The following RNF111 variants were observed in gnomAD, a reference collection of about 807,000 sequenced individuals.
RNF111 encodes the protein ring finger protein 111.
Under a neutral mutation model 95.1 loss-of-function variants are expected in RNF111, and 17 were observed. That is an observed-to-expected ratio of 0.18 (90% CI 0.12 to 0.27). RNF111 has a LOEUF of 0.27. Ranked by LOEUF, RNF111 falls within the 10% of genes least tolerant of loss-of-function variation. RNF111 has a pLI of 1.00. For synonymous variants in RNF111, 440 were observed against 414.8 expected (o/e 1.06, Z -0.74); for missense variants, 1,189 against 1,210.4 (o/e 0.98, Z 0.26).
At chr15:58,989,883 T>G (rs191830530) in intron 1 of RNF111, among the ~76,000 whole-genome samples, 153 of 152,282 alleles carry the variant, frequency 1.0e-3, no homozygotes, top group Non-Finnish European at 1.5e-3. Flanking sequence ...TCTTTTTTTT[T>G]TTGTTATAGT....
intron 1 of RNF111, among the ~76,000 whole-genome samples, chr15:59,019,410 A>T (rs1342316595): frequency 2.6e-5 from 4 of 152,034 alleles, no homozygotes; most frequent in East Asian, 1.9e-4. Flanking sequence ...TTATAGTTTT[A>T]AAAAAAATTG....
intron 1 of RNF111, among the ~76,000 whole-genome samples, chr15:59,002,778 C>A (rs1351567071): frequency 6.6e-6 from 1 of 152,198 alleles, no homozygotes; most frequent in African/African-American, 2.4e-5. Flanking sequence ...ATTTCCCTTT[C>A]CTTCCACTTC....
At chr15:59,005,550 A>T (rs1453239048) in intron 1 of RNF111, among the ~76,000 whole-genome samples, 1 of 152,140 alleles carries the variant, frequency 6.6e-6, no homozygotes, top group African/African-American at 2.4e-5. Context: ...TTGTTACTCC[A>T]ACCTTTGCTT....
At chr15:59,041,694 A>G (rs1282324362) in intron 2 of RNF111, among the ~76,000 whole-genome samples, 1 of 152,226 alleles carries the variant, frequency 6.6e-6, no homozygotes, top group African/African-American at 2.4e-5. Flanking sequence ...GTTATTTTGT[A>G]AAATATGGCC....
intron 1 of RNF111, among the ~76,000 whole-genome samples, chr15:59,028,930 G>A (rs554503879): frequency 1.3e-4 from 20 of 151,882 alleles, no homozygotes; most frequent in African/African-American, 2.9e-4. Context: ...CAGTCAGTGC[G>A]CCACTATCCT....
chr15:59,028,519 C>G lies in RNF111; in HGVS notation c.-19-2285C>G, dbSNP rs143223865. ...AAACTTATGTGAATGTGGTCTCTCTCTCATAGTGTGAGTAACTGAAGCTGT... is the reference window on the plus strand; with the variant it reads ...AAACTTATGTGAATGTGGTCTCTCTGTCATAGTGTGAGTAACTGAAGCTGT... On this transcript the variant is annotated intron_variant, in intron 1 of 13. Transcript: ENST00000348370. Among the ~76,000 whole-genome samples the G allele has an allele frequency of 4.6e-3, 701 of 152,242 alleles. 6 individuals are homozygous for G. Among genetic ancestry groups the G allele is most frequent in the Middle Eastern group, 0.041 (12 of 294 alleles).
chr15:59,030,859 A>C lies in RNF111; in HGVS notation c.37A>C (p.Thr13Pro). Reference protein sequence around the residue: ...QWTPEYNELYTLKVDMKSEIP... With the variant: ...QWTPEYNELYPLKVDMKSEIP... ...GACTCCTGAATATAACGAGCTCTAC[A>C]CCTTAAAAGTGGATATGAAGAGTGA... Residue 13 changes from threonine (T) to proline (P), a missense_variant, in exon 2 of 14, where the codon ACC (threonine) becomes CCC (proline). Physicochemically the swap from Thr to Pro is conservative, Grantham distance 38. Around this residue, in one of 2 missense-constraint regions of RNF111, gnomAD observed 1,024 missense variants for 925.9 expected, o/e 1.11. Transcript: ENST00000348370. 6.2e-7 allele frequency: 1 copy of C among 1,612,884 alleles called. No individual in the cohort carries two copies. Among genetic ancestry groups the C allele is most frequent in the South Asian group, 1.1e-5 (1 of 90,878 alleles).
rs148348838 is a variant in RNF111, at chr15:59,064,908, A to G, written c.1367-1856A>G. ...GGAAATTTGCTGAATCTTACCAAGC[A>G]GAGCCTGAAGCACCCCCCTACCCAG... On this transcript the variant is annotated intron_variant, in intron 5 of 13. Transcript: ENST00000348370. Among the ~76,000 whole-genome samples the G allele has an allele frequency of 4.4e-3, 670 of 152,222 alleles. 6 individuals are homozygous for G. The highest frequency in any genetic ancestry group is 0.041 in the Middle Eastern group (12 of 292).
At chr15:59,014,658 A>C (rs904259199) in intron 1 of RNF111, among the ~76,000 whole-genome samples, 23 of 152,212 alleles carry the variant, frequency 1.5e-4, no homozygotes, top group Non-Finnish European at 2.9e-4. Flanking sequence ...GTCTAAGAAA[A>C]AATGATCTCT....
Position 58,987,751 on chromosome 15 carries a change from T to C in RNF111, c.-337T>C, listed in dbSNP as rs2038629832. 1 of 177,866 alleles carries C rather than the reference T, an allele frequency of 5.6e-6. No individual in the cohort carries two copies. The highest frequency in any genetic ancestry group is 2.4e-5 in the African/African-American group (1 of 41,618). 11.0% of individuals were successfully genotyped at this position (177,866 alleles called of 1,614,324 possible). A position where few individuals can be genotyped will look rare whatever the true frequency, so the allele number is the denominator to read the frequency against. ...GGCGGCTGTAGGGGAGCAGCGGCAG[T>C]GGCGGCGACGGCGAGGAGGTGTTCG... On this transcript the variant is annotated 5_prime_UTR_variant, in exon 1 of 14. Coordinates refer to ENST00000348370, the MANE Select transcript of RNF111 (RefSeq NM_017610.8).
intron 2 of RNF111, among the ~76,000 whole-genome samples, chr15:59,043,613 T>C (rs2041571735): frequency 6.6e-6 from 1 of 152,196 alleles, no homozygotes; most frequent in South Asian, 2.1e-4. Flanking sequence ...TGGTTTCCGG[T>C]ATTTGCTATT....
chr15:59,018,962 C>T (rs368702448), intron 1 of RNF111, among the ~76,000 whole-genome samples: 8 of 151,930 alleles, frequency 5.3e-5, no homozygotes, highest in Admixed American at 6.6e-5. Context: ...CATGCTCTGT[C>T]GCCCAGGTTG....
chr15:59,069,003 G>A lies in RNF111; in HGVS notation c.1686+1920G>A, dbSNP rs569670400. On this transcript the variant is annotated intron_variant, in intron 6 of 13. Coordinates refer to ENST00000348370, the MANE Select transcript of RNF111 (RefSeq NM_017610.8). ...GCAGGAGAATCGATTGAACGTGGGA[G>A]GCGGAGATTGCAGTGAGCTGAGATC... Among the ~76,000 whole-genome samples the A allele has an allele frequency of 7.7e-4, 117 of 151,296 alleles. 1 individual carries two copies. The highest frequency in any genetic ancestry group is 2.7e-3 in the African/African-American group (109 of 41,090).
intron 1 of RNF111, among the ~76,000 whole-genome samples, chr15:59,023,430 T>C (rs2040444514): frequency 6.6e-6 from 1 of 152,230 alleles, no homozygotes; most frequent in Non-Finnish European, 1.5e-5. Context: ...TTAAATATTT[T>C]CATTCCTCTT....
chr15:59,074,242 C>T (rs1395165027), intron 6 of RNF111, among the ~76,000 whole-genome samples: 3 of 152,236 alleles, frequency 2.0e-5, no homozygotes, highest in African/African-American at 7.2e-5. Flanking sequence ...TTTTAAGTCA[C>T]TAGCTACATT....
chr15:59,031,683 C>T lies in RNF111; in HGVS notation c.861C>T (p.Asn287=), dbSNP rs1449984043. ...LFVSASENHQ[N]NPAVPSGSID... ...TTTCTGCCAGTGAAAACCACCAAAA[C>T]AATCCAGCTGTTCCCTCAGGTAAAA... is the stretch of plus-strand genomic sequence containing the variant. The change falls in exon 2 of 14, where the codon AAC becomes AAT. Residue 287 remains asparagine (N), a synonymous_variant. Transcript: ENST00000348370. The T allele has an allele frequency of 1.9e-6, 3 of 1,613,856 alleles. No individual in the cohort carries two copies.
Position 58,987,763 on chromosome 15 carries a change from C to A in RNF111, c.-325C>A. On this transcript the variant is annotated 5_prime_UTR_variant, in exon 1 of 14. Coordinates refer to ENST00000348370, the MANE Select transcript of RNF111 (RefSeq NM_017610.8). ...GGAGCAGCGGCAGTGGCGGCGACGG[C>A]GAGGAGGTGTTCGGTTTGCGCAGCG... The A allele has an allele frequency of 5.7e-6, 1 of 175,306 alleles. No homozygotes were observed. The highest frequency in any genetic ancestry group is 1.2e-5 in the Non-Finnish European group (1 of 84,966). The allele number at this position is 175,306 out of a possible 1,614,324, so 10.9% of individuals were successfully genotyped here. A position where few individuals can be genotyped will look rare whatever the true frequency, so the allele number is the denominator to read the frequency against.
intron 1 of RNF111, among the ~76,000 whole-genome samples, chr15:59,023,509 T>C (rs2040449099): frequency 6.7e-6 from 1 of 150,342 alleles, no homozygotes; most frequent in African/African-American, 2.4e-5. Context: ...AGGAAAGTCA[T>C]TGATTTTTGG....
chr15:59,033,201 G>A (rs992329805), intron 2 of RNF111, among the ~76,000 whole-genome samples: 2 of 152,202 alleles, frequency 1.3e-5, no homozygotes, highest in Admixed American at 1.3e-4. Context: ...TGTCTTGCCT[G>A]TTAAGGTCAG....
Sources: allele counts gnomAD v4.1 joint callset (sites outside exome capture counted in the v4.1 genomes callset), GRCh38; gene constraint gnomAD v4.1.1; regional missense constraint gnomAD v4.1.1; transcripts MANE v1.5; gene names NCBI Gene and HGNC (gene_info 2026-07-23, HGNC 2026-07-21).